GLI2: variants seen among roughly 807,000 people sequenced by gnomAD.
GLI2 encodes the protein GLI family zinc finger 2.
In GLI2, 22 loss-of-function variants were observed where a neutral mutation model predicts 78.9. The observed-to-expected ratio is 0.28, with a 90% confidence interval of 0.20 to 0.40. The LOEUF (loss-of-function observed/expected upper bound fraction) is 0.40, where lower values mean the gene tolerates loss of function less well. GLI2 is among the 10% of genes least tolerant of loss of function. The pLI, the probability that GLI2 is intolerant of heterozygous loss-of-function variation, is 1.00. For synonymous variants in GLI2, 974 were observed against 963.7 expected, an observed-to-expected ratio of 1.01 and a Z score of -0.20; for missense variants, 2,097 against 2,213.2, an observed-to-expected ratio of 0.95 and a Z score of 1.05.
At chr2:120,829,756 A>T (rs572874973) in intron 2 of GLI2, among the ~76,000 whole-genome samples, 1 of 152,248 alleles carries the variant, frequency 6.6e-6, no homozygotes, top group African/African-American at 2.4e-5. Context: ...AGGAGGGCCT[A>T]TGTGGGCCTT....
At chr2:120,736,335 C>A (rs780164516) in intron 1 of GLI2, 50 bp downstream of exon 1, 3 of 152,020 alleles carry the variant, frequency 2.0e-5, no homozygotes, top group African/African-American at 7.2e-5. Context: ...CGAAGCGCCT[C>A]CCACCTCGGC....
Position 120,797,159 on chromosome 2 carries a change from C to G in GLI2, c.-30-132C>G, listed in dbSNP as rs186857485. On this transcript the variant is annotated intron_variant, in intron 1 of 13. Coordinates refer to ENST00000361492, the MANE Select transcript of GLI2 (RefSeq NM_001374353.1). ...AATAATTCTCAAAATTAATTAAACC[C>G]TCCTTCCCAATTATAAGAGAATTAG... 4.9e-3 allele frequency: 3,614 copies of G among 735,052 alleles called. 7 individuals are homozygous for G. The highest frequency in any genetic ancestry group is 7.0e-3 in the Non-Finnish European group (2,913 of 413,642). 45.5% of individuals were successfully genotyped at this position (735,052 alleles called of 1,614,324 possible).
At chr2:120,736,611 G>A (rs908951230) in intron 1 of GLI2, among the ~76,000 whole-genome samples, 6 of 151,662 alleles carry the variant, frequency 4.0e-5, no homozygotes, top group African/African-American at 1.5e-4. Flanking sequence ...CGGCCTCCGC[G>A]CGCCGGCGGG....
chr2:120,978,702 AG>A, intron 10 of GLI2, 119 bp downstream of exon 10: 1 of 1,124,614 alleles, frequency 8.9e-7, no homozygotes, highest in South Asian at 1.4e-5. Flanking sequence ...AGACCACAGC[AG>A]GGGCTCTGGG....
chr2:120,914,589 AG>A (rs1200114330), intron 2 of GLI2, among the ~76,000 whole-genome samples: 1 of 152,232 alleles, frequency 6.6e-6, no homozygotes, highest in Non-Finnish European at 1.5e-5. Flanking sequence ...CCAGACAGAC[AG>A]GCAGCCCCTC....
chr2:120,736,634 C>T lies in GLI2; in HGVS notation c.-31+349C>T, dbSNP rs1055299975. ...GCGCGCCGGCGGGGGTCTGTTTTTTCAGGGGGTGGAGGGTGGGATCGGAGG... is the reference window on the plus strand; with the variant it reads ...GCGCGCCGGCGGGGGTCTGTTTTTTTAGGGGGTGGAGGGTGGGATCGGAGG... On this transcript the variant is annotated intron_variant, in intron 1 of 13. Coordinates refer to ENST00000361492, the MANE Select transcript of GLI2 (RefSeq NM_001374353.1). 1.4e-4 allele frequency among the ~76,000 whole-genome samples: 21 copies of T among 151,564 alleles called. No homozygotes were observed. In the South Asian group the frequency reaches 1.7e-3, roughly 12 times the overall value.
chr2:120,966,774 G>A (rs911938349), intron 5 of GLI2, among the ~76,000 whole-genome samples: 1 of 152,218 alleles, frequency 6.6e-6, no homozygotes, highest in Non-Finnish European at 1.5e-5. Context: ...GCCTTCTTGG[G>A]GACTGGTAGG....
At chr2:120,901,048 C>T (rs1000613806) in intron 2 of GLI2, among the ~76,000 whole-genome samples, 2 of 152,156 alleles carry the variant, frequency 1.3e-5, no homozygotes, top group Non-Finnish European at 2.9e-5. Flanking sequence ...TTACCCTCGC[C>T]CCCACTTGCA....
chr2:120,848,215 T>C (rs576559643), intron 2 of GLI2, among the ~76,000 whole-genome samples: 1 of 152,202 alleles, frequency 6.6e-6, no homozygotes, highest in Admixed American at 6.5e-5. Flanking sequence ...CTCCGCCGCC[T>C]GGTTGCAATA....
At chr2:120,814,101 C>T (rs1032454142) in intron 2 of GLI2, among the ~76,000 whole-genome samples, 5 of 151,974 alleles carry the variant, frequency 3.3e-5, no homozygotes, top group Non-Finnish European at 7.4e-5. Flanking sequence ...GCTCTAAACA[C>T]CAATTGCTGG....
chr2:120,742,428 A>G (rs924363434), intron 1 of GLI2, among the ~76,000 whole-genome samples: 1 of 152,214 alleles, frequency 6.6e-6, no homozygotes, highest in African/African-American at 2.4e-5. Context: ...AAGGAACTGT[A>G]AGGGCCGCTC....
At chr2:120,971,904 C>T (rs771297156) in intron 7 of GLI2, 37 bp from the exon 8 acceptor site, 3 of 1,609,234 alleles carry the variant, frequency 1.9e-6, no homozygotes, top group Non-Finnish European at 2.6e-6. Flanking sequence ...CCTGCCCTGC[C>T]CCTGAGTAAC....
chr2:120,961,123 A>T (rs1261679721), intron 5 of GLI2, among the ~76,000 whole-genome samples: 5 of 152,234 alleles, frequency 3.3e-5, no homozygotes, highest in South Asian at 4.1e-4. Context: ...CATTGAGAAG[A>T]TTGAGATGTT....
chr2:120,897,505 G>C lies in GLI2; in HGVS notation c.149-29856G>C, dbSNP rs80334891. Among the ~76,000 whole-genome samples the C allele has an allele frequency of 5.6e-3, 846 of 152,304 alleles. 14 individuals carry two copies. The highest frequency in any genetic ancestry group is 0.019 in the African/African-American group (801 of 41,556). ...AGTTGAGGAGTAAATGTGTTACTTT[G>C]TAAGGAGGGCAAAGATTGTAGGCAC... On this transcript the variant is annotated intron_variant, in intron 2 of 13. Coordinates refer to ENST00000361492, the MANE Select transcript of GLI2 (RefSeq NM_001374353.1).
intron 2 of GLI2, among the ~76,000 whole-genome samples, chr2:120,833,753 C>T (rs13393992): frequency 0.2 from 30,065 of 152,088 alleles, 3,055 homozygotes; most frequent in Middle Eastern, 0.28. Flanking sequence ...CTTTAGCTCC[C>T]CAAACCTGCT....
intron 2 of GLI2, among the ~76,000 whole-genome samples, chr2:120,902,082 C>T (rs1678287172): frequency 6.6e-6 from 1 of 151,852 alleles, no homozygotes; most frequent in Admixed American, 6.6e-5. Flanking sequence ...CGCATCTCTC[C>T]CAAACTATAT....
intron 2 of GLI2, among the ~76,000 whole-genome samples, chr2:120,847,496 G>A (rs1240751529): frequency 6.6e-6 from 1 of 152,150 alleles, no homozygotes; most frequent in Non-Finnish European, 1.5e-5. Flanking sequence ...AGATCAGGAG[G>A]AAGAGAAGAC....
intron 2 of GLI2, among the ~76,000 whole-genome samples, chr2:120,801,774 CCT>C (rs1684717584): frequency 6.6e-6 from 1 of 152,184 alleles, no homozygotes; most frequent in South Asian, 2.1e-4. Context: ...GTGGTCAGAG[CCT>C]CTCCTTCAGT....
Position 120,972,798 on chromosome 2 carries a change from C to A in GLI2, c.1182+735C>A, listed in dbSNP as rs114520818. On this transcript the variant is annotated intron_variant, in intron 8 of 13. Transcript: ENST00000361492. ...AGAGAAGAGCGGAGCAGCCCACAGC[C>A]CAGTGCAGGCCTACCACGTGGCCCA... is the stretch of plus-strand genomic sequence containing the variant. The A allele has an allele frequency of 6.0e-3, 2,748 of 457,642 alleles. 61 individuals carry two copies. Among genetic ancestry groups the A allele is most frequent in the African/African-American group, 0.046 (2,300 of 50,496 alleles). The allele number at this position is 457,642 out of a possible 1,614,324, so 28.3% of individuals were successfully genotyped here.
Sources: gnomAD v4.1 joint callset for allele counts (sites outside exome capture counted in the v4.1 genomes callset) on GRCh38, gnomAD v4.1.1 for gene constraint, MANE v1.5 for transcripts, NCBI Gene and HGNC (gene_info 2026-07-23, HGNC 2026-07-21) for gene names.